CTNNA3: variants seen among roughly 807,000 people sequenced by gnomAD.
CTNNA3 encodes the protein catenin alpha-3.
Under a neutral mutation model 95.7 loss-of-function variants are expected in CTNNA3, and 76 were observed. That is an observed-to-expected ratio of 0.79 (90% CI 0.66 to 0.96). The LOEUF (loss-of-function observed/expected upper bound fraction) is 0.96. Ranked by LOEUF, CTNNA3 falls within the 40% of genes least tolerant of loss-of-function variation. The probability of loss-of-function intolerance (pLI) is 0.00; values close to 1 mark genes in which losing one functional copy is unlikely to be tolerated. For missense variants in CTNNA3, 1,191 were observed against 1,089.8 expected, an observed-to-expected ratio of 1.09 and a Z score of -1.31; for synonymous variants, 431 against 374.4, an observed-to-expected ratio of 1.15 and a Z score of -1.74.
chr10:66,966,083 T>C (rs1849395012), intron 7 of CTNNA3, among the ~76,000 whole-genome samples: 1 of 152,206 alleles, frequency 6.6e-6, no homozygotes. Context: ...TGTACCTCAG[T>C]TTCCTAATTT....
intron 7 of CTNNA3, among the ~76,000 whole-genome samples, chr10:67,153,346 G>T (rs1019624804): frequency 2.0e-5 from 3 of 152,152 alleles, no homozygotes; most frequent in African/African-American, 4.8e-5. Flanking sequence ...TTGGTCAAAG[G>T]TGGGGGCCTT....
rs530063423 is a variant in CTNNA3 at position 67,395,466 on chromosome 10, T to G, written c.579+126376A>C. Among the ~76,000 whole-genome samples the G allele has an allele frequency of 2.0e-5, 3 of 152,268 alleles. No individual in the cohort carries two copies. In the East Asian group the frequency reaches 5.8e-4, roughly 29 times the overall value. Reference sequence around the variant, plus strand: ...AGAATTAAGATAACCAGCTCTAATATAAGCAACACAAAACTAATTATTCTC... The same window carrying G: ...AGAATTAAGATAACCAGCTCTAATAGAAGCAACACAAAACTAATTATTCTC... On this transcript the variant is annotated intron_variant, in intron 5 of 17. Transcript: ENST00000433211.
At chr10:67,636,524 C>G (rs1171284288) in intron 2 of CTNNA3, among the ~76,000 whole-genome samples, 2 of 152,296 alleles carry the variant, frequency 1.3e-5, no homozygotes, top group East Asian at 3.9e-4. Context: ...CACAAACCTA[C>G]AACCATCTGA....
intron 7 of CTNNA3, among the ~76,000 whole-genome samples, chr10:66,838,666 G>A (rs974376264): frequency 2.6e-5 from 4 of 152,092 alleles, no homozygotes; most frequent in Non-Finnish European, 5.9e-5. Context: ...GGTTCTCTAG[G>A]AGAGGAAATG....
At chr10:66,265,129 C>A (rs892635225) in intron 13 of CTNNA3, among the ~76,000 whole-genome samples, 20 of 152,032 alleles carry the variant, frequency 1.3e-4, no homozygotes, top group Non-Finnish European at 2.6e-4. Context: ...TCAGCACAGG[C>A]TTTAAAATGC....
rs550433951 is a variant in CTNNA3 at position 66,840,795 on chromosome 10, G to T, written c.1048-65271C>A. On this transcript the variant is annotated intron_variant, in intron 7 of 17. Coordinates refer to ENST00000433211, the MANE Select transcript of CTNNA3 (RefSeq NM_013266.4). Reference sequence around the variant, plus strand: ...TCTCTCTCTCTCTCTGTCCTATTTTGTTGCTTGTTTGTTTCCACAAAGGAC... The same window carrying T: ...TCTCTCTCTCTCTCTGTCCTATTTTTTTGCTTGTTTGTTTCCACAAAGGAC... Among the ~76,000 whole-genome samples the T allele has an allele frequency of 2.0e-5, 3 of 151,834 alleles. No homozygotes were observed. The East Asian group carries it at 5.8e-4, about 29-fold the overall frequency.
intron 1 of CTNNA3, among the ~76,000 whole-genome samples, chr10:67,684,439 C>T (rs371281351): frequency 1.7e-4 from 26 of 152,124 alleles, no homozygotes; most frequent in African/African-American, 4.8e-4. Flanking sequence ...CTGACTGATG[C>T]GTTTACAACC....
intron 7 of CTNNA3, among the ~76,000 whole-genome samples, chr10:66,977,295 G>T (rs902824018): frequency 6.6e-6 from 1 of 152,060 alleles, no homozygotes. Flanking sequence ...AATTAGCTGG[G>T]TGTGGTGGCT....
intron 9 of CTNNA3, among the ~76,000 whole-genome samples, chr10:66,636,523 A>G (rs1845343600): frequency 6.6e-6 from 1 of 152,124 alleles, no homozygotes; most frequent in Non-Finnish European, 1.5e-5. Flanking sequence ...AAACCAACAT[A>G]TGAATTCTAT....
intron 12 of CTNNA3, among the ~76,000 whole-genome samples, chr10:66,377,559 C>G (rs2132483159): frequency 6.6e-6 from 1 of 151,916 alleles, no homozygotes; most frequent in African/African-American, 2.4e-5. Flanking sequence ...AGTATGCTCA[C>G]AAGACTAACA....
chr10:66,406,639 T>C (rs1589206381), intron 11 of CTNNA3, among the ~76,000 whole-genome samples: 5 of 152,104 alleles, frequency 3.3e-5, no homozygotes, highest in Admixed American at 3.3e-4. Context: ...TTAGTATCAT[T>C]ACCTTCATTC....
chr10:66,230,248 AT>A lies in CTNNA3; in HGVS notation c.1884+50221del, dbSNP rs371025589. Among the ~76,000 whole-genome samples, 779 of 152,250 alleles carry A rather than the reference AT, an allele frequency of 5.1e-3. 5 individuals are homozygous for A. The highest frequency in any genetic ancestry group is 0.018 in the African/African-American group (731 of 41,542). The stretch of plus-strand genomic sequence containing the variant: ...ATTATGATGTTGCTTTGAAAATGCC[AT>A]GTTTCTTTGCTCTTTCATGTTTTTC... On this transcript the variant is annotated intron_variant, in intron 13 of 17. Transcript: ENST00000433211.
Position 67,267,641 on chromosome 10 carries a change from C to A in CTNNA3, c.580-47771G>T, listed in dbSNP as rs1866883598. Among the ~76,000 whole-genome samples the A allele has an allele frequency of 2.0e-5, 3 of 152,264 alleles. No homozygotes were observed. The South Asian group carries it at 6.2e-4, about 32-fold the overall frequency. On this transcript the variant is annotated intron_variant, in intron 5 of 17. Coordinates refer to ENST00000433211, the MANE Select transcript of CTNNA3 (RefSeq NM_013266.4). ...TCGGCCTCCCAAAAATTATAATCTT[C>A]TTCAAAAGGAAATCTATAAAGATCT...
At chr10:67,707,992 T>C (rs1488706149) in intron 1 of CTNNA3, among the ~76,000 whole-genome samples, 2 of 152,180 alleles carry the variant, frequency 1.3e-5, no homozygotes, top group African/African-American at 4.8e-5. Flanking sequence ...GTATTTCACT[T>C]TGTGTAAACC....
At chr10:66,985,893 A>G (rs1850703730) in intron 7 of CTNNA3, among the ~76,000 whole-genome samples, 1 of 151,830 alleles carries the variant, frequency 6.6e-6, no homozygotes, top group Non-Finnish European at 1.5e-5. Flanking sequence ...ACACCCAGCT[A>G]ATTTTTGTAT....
At chr10:66,629,784 G>C (rs10997270) in intron 9 of CTNNA3, among the ~76,000 whole-genome samples, 61,982 of 151,806 alleles carry the variant, frequency 0.41, 12,875 homozygotes, top group Middle Eastern at 0.55. Context: ...GAAAACATCT[G>C]TACATACTGT....
At chr10:67,009,227 A>C (rs1182904102) in intron 7 of CTNNA3, among the ~76,000 whole-genome samples, 1 of 152,102 alleles carries the variant, frequency 6.6e-6, no homozygotes. Context: ...CAAGAATACA[A>C]ATTATATTTA....
chr10:66,411,558 T>C (rs2132597108), intron 11 of CTNNA3, among the ~76,000 whole-genome samples: 1 of 152,182 alleles, frequency 6.6e-6, no homozygotes, highest in South Asian at 2.1e-4. Flanking sequence ...TTATAAGGTT[T>C]ACCATTGGAT....
chr10:67,086,097 T>C (rs781101865), intron 7 of CTNNA3, among the ~76,000 whole-genome samples: 2 of 152,008 alleles, frequency 1.3e-5, no homozygotes, highest in Non-Finnish European at 2.9e-5. Flanking sequence ...GGATATGATA[T>C]GGACAGATGA....
Sources: allele counts gnomAD v4.1 joint callset (sites outside exome capture counted in the v4.1 genomes callset), GRCh38; gene constraint gnomAD v4.1.1; transcripts MANE v1.5; gene names NCBI Gene and HGNC (gene_info 2026-07-23, HGNC 2026-07-21).